The following PTPRD variants were observed in gnomAD, a reference collection of about 807,000 sequenced individuals.
PTPRD encodes the protein receptor-type tyrosine-protein phosphatase delta.
PTPRD carries 34 observed loss-of-function variants against 214.5 expected under a neutral mutation model. The ratio of observed to expected loss-of-function variants is 0.16; its 90% confidence interval spans 0.12 to 0.21. The LOEUF (loss-of-function observed/expected upper bound fraction) is 0.21. Ranked by LOEUF, PTPRD falls within the 10% of genes least tolerant of loss-of-function variation. The pLI is 1.00. For missense variants in PTPRD, 2,545 were observed against 2,398.7 expected (o/e 1.06, Z -1.27); for synonymous variants, 1,128 against 845.7 (o/e 1.33, Z -5.79).
intron 18 of PTPRD, 138 bp from the exon 19 acceptor site, chr9:8,523,662 C>G: frequency 2.3e-6 from 2 of 866,908 alleles, no homozygotes; most frequent in Non-Finnish European, 3.6e-6. Context: ...TCTAGTTCAT[C>G]CTTCCTATCT....
intron 2 of PTPRD, among the ~76,000 whole-genome samples, chr9:10,511,908 A>G (rs2048203025): frequency 7.8e-6 from 1 of 127,578 alleles, no homozygotes; most frequent in Non-Finnish European, 1.7e-5. Flanking sequence ...ATATACATAT[A>G]TATATACGTG....
chr9:10,197,019 C>T (rs191447363), intron 3 of PTPRD, among the ~76,000 whole-genome samples: 2 of 152,198 alleles, frequency 1.3e-5, no homozygotes, highest in East Asian at 3.9e-4. Context: ...GGCCCCAGAA[C>T]TCTGAGAAAT....
At chr9:10,524,041 G>C (rs1291341238) in intron 2 of PTPRD, among the ~76,000 whole-genome samples, 3 of 151,994 alleles carry the variant, frequency 2.0e-5, no homozygotes, top group Non-Finnish European at 2.9e-5. Flanking sequence ...CTGGCTTGCA[G>C]AAGGTGTCCG....
At chr9:9,606,616 G>C (rs899643181) in intron 7 of PTPRD, among the ~76,000 whole-genome samples, 1 of 151,852 alleles carries the variant, frequency 6.6e-6, no homozygotes, top group South Asian at 2.1e-4. Flanking sequence ...AAATTCTGTG[G>C]AAAAGCAGCC....
At chr9:9,880,578 T>G (rs2153736231) in intron 5 of PTPRD, among the ~76,000 whole-genome samples, 2 of 152,294 alleles carry the variant, frequency 1.3e-5, no homozygotes, top group South Asian at 4.1e-4. Flanking sequence ...TAGTTTACTT[T>G]ACCTTGGCTT....
At chr9:10,465,727 G>A (rs902211299) in intron 2 of PTPRD, among the ~76,000 whole-genome samples, 1 of 152,128 alleles carries the variant, frequency 6.6e-6, no homozygotes, top group African/African-American at 2.4e-5. Flanking sequence ...GAAGAACCAG[G>A]CTATGCCATA....
chr9:9,751,924 T>A (rs1193431698), intron 6 of PTPRD, among the ~76,000 whole-genome samples: 1 of 152,162 alleles, frequency 6.6e-6, no homozygotes, highest in Non-Finnish European at 1.5e-5. Flanking sequence ...AAGCTCTTAA[T>A]AAATTAATAT....
chr9:10,292,075 T>C (rs1325044968), intron 3 of PTPRD, among the ~76,000 whole-genome samples: 4 of 152,072 alleles, frequency 2.6e-5, no homozygotes, highest in Non-Finnish European at 5.9e-5. Flanking sequence ...TATGAAAAGT[T>C]CTAAGGCGTT....
intron 5 of PTPRD, among the ~76,000 whole-genome samples, chr9:9,880,462 T>A (rs925277504): frequency 6.6e-6 from 1 of 152,222 alleles, no homozygotes; most frequent in Non-Finnish European, 1.5e-5. Context: ...ATATCACCAT[T>A]ATCACTGTGT....
chr9:9,192,666 C>A (rs2099935964), intron 9 of PTPRD, among the ~76,000 whole-genome samples: 2 of 152,026 alleles, frequency 1.3e-5, no homozygotes, highest in Admixed American at 1.3e-4. Flanking sequence ...AGCTGCACCA[C>A]TTAATATGAA....
At chr9:9,747,900 A>T (rs1474440403) in intron 6 of PTPRD, among the ~76,000 whole-genome samples, 1 of 152,132 alleles carries the variant, frequency 6.6e-6, no homozygotes, top group African/African-American at 2.4e-5. Context: ...TATGGCCGGA[A>T]TGTTTCAAAA....
chr9:9,003,277 T>G lies in PTPRD; in HGVS notation c.-104+15420A>C, dbSNP rs533320723. 1.9e-3 allele frequency among the ~76,000 whole-genome samples: 284 copies of G among 152,140 alleles called. 1 individual carries two copies. Among genetic ancestry groups the G allele is most frequent in the Admixed American group, 2.8e-3 (43 of 15,244 alleles). ...TCCTTCAGTTTTTCCTCTATTGTTC[T>G]ATGAGCAACTAAGACATGAACAGCT... On this transcript the variant is annotated intron_variant, in intron 11 of 45. Transcript: ENST00000381196.
At chr9:9,492,208 A>G (rs1237484321) in intron 8 of PTPRD, among the ~76,000 whole-genome samples, 2 of 151,814 alleles carry the variant, frequency 1.3e-5, no homozygotes, top group East Asian at 3.9e-4. Context: ...ACAGGAACAT[A>G]TGAATAGACC....
At chr9:9,252,226 A>G (rs1285858294) in intron 9 of PTPRD, among the ~76,000 whole-genome samples, 1 of 152,032 alleles carries the variant, frequency 6.6e-6, no homozygotes. Context: ...CAAAAACAGC[A>G]TACTTCCCTT....
At chr9:8,667,529 C>A (rs938446889) in intron 12 of PTPRD, among the ~76,000 whole-genome samples, 1 of 152,082 alleles carries the variant, frequency 6.6e-6, no homozygotes, top group African/African-American at 2.4e-5. Flanking sequence ...AATTCCACAT[C>A]TAAGTACTTA....
At chr9:9,819,960 G>C (rs1486873987) in intron 5 of PTPRD, among the ~76,000 whole-genome samples, 3 of 152,158 alleles carry the variant, frequency 2.0e-5, no homozygotes, top group Admixed American at 6.5e-5. Flanking sequence ...GAAAATGCGA[G>C]TACGTGTCTT....
At chr9:9,066,893 G>C (rs1590932391) in intron 10 of PTPRD, among the ~76,000 whole-genome samples, 1 of 152,182 alleles carries the variant, frequency 6.6e-6, no homozygotes, top group African/African-American at 2.4e-5. Flanking sequence ...AGAACTGTGA[G>C]AGAATAAATT....
intron 36 of PTPRD, among the ~76,000 whole-genome samples, chr9:8,401,581 G>A (rs1386437448): frequency 2.6e-5 from 4 of 151,946 alleles, no homozygotes; most frequent in Non-Finnish European, 5.9e-5. Context: ...ACTGTGATTT[G>A]GAAAGATGTC....
chr9:10,193,254 G>A (rs2099381310), intron 3 of PTPRD, among the ~76,000 whole-genome samples: 1 of 151,628 alleles, frequency 6.6e-6, no homozygotes, highest in South Asian at 2.1e-4. Context: ...ACATTTCCAG[G>A]TTCTTTTCCT....
Sources: gnomAD v4.1 joint callset for allele counts (sites outside exome capture counted in the v4.1 genomes callset) on GRCh38, gnomAD v4.1.1 for gene constraint, MANE v1.5 for transcripts, NCBI Gene and HGNC (gene_info 2026-07-23, HGNC 2026-07-21) for gene names.